Variants in RAB4A observed in about 807,000 individuals in gnomAD.
RAB4A encodes the protein ras-related protein Rab-4A.
In RAB4A, 20 loss-of-function variants were observed where a neutral mutation model predicts 34.5. That is an observed-to-expected ratio of 0.58 (90% CI 0.41 to 0.84). RAB4A has a LOEUF of 0.84. RAB4A is among the 40% of genes least tolerant of loss of function. RAB4A has a pLI of 0.00. For missense variants in RAB4A, 228 were observed against 274.5 expected (o/e 0.83, Z 1.20); for synonymous variants, 102 against 100.0 (o/e 1.02, Z -0.12).
Position 229,297,538 on chromosome 1 carries a change from G to A in RAB4A, c.347G>A (p.Ser116Asn), listed in dbSNP as rs1478020729. The change falls in exon 5 of 8, where the codon AGC becomes AAC. Residue 116 changes from serine (S) to asparagine (N), a missense_variant. Coordinates refer to ENST00000366690, the MANE Select transcript of RAB4A (RefSeq NM_004578.4). ...NWLTDARMLA[S>N]QNIVIILCGN... Reference sequence around the variant, plus strand: ...TTAACAGATGCCCGAATGCTAGCGAGCCAGAACATTGTGATCATCCTTTGT... The same window carrying A: ...TTAACAGATGCCCGAATGCTAGCGAACCAGAACATTGTGATCATCCTTTGT... The A allele has an allele frequency of 2.5e-6, 4 of 1,613,102 alleles. No individual in the cohort carries two copies. The highest frequency in any genetic ancestry group is 3.4e-6 in the Non-Finnish European group (4 of 1,179,944).
Position 229,271,231 on chromosome 1 carries a change from C to A in RAB4A, c.-109C>A. 2.7e-6 allele frequency: 3 copies of A among 1,127,396 alleles called. No individual in the cohort carries two copies. The highest frequency in any genetic ancestry group is 3.0e-5 in the South Asian group (1 of 33,432). 69.8% of individuals were successfully genotyped at this position (1,127,396 alleles called of 1,614,324 possible). ...GCGGTTGCCGTGGGGACCGGTCGGG[C>A]CCCTCCCTCCTCCGGTCCCCCGCCC... On this transcript the variant is annotated 5_prime_UTR_variant, in exon 1 of 8. Transcript: ENST00000366690.
intron 1 of RAB4A, among the ~76,000 whole-genome samples, chr1:229,278,331 A>G (rs982421674): frequency 6.6e-6 from 1 of 152,150 alleles, no homozygotes; most frequent in Non-Finnish European, 1.5e-5. Flanking sequence ...CTCCTTTTAG[A>G]TTGAGATCAT....
At chr1:229,276,454 G>GT (rs1656651599) in intron 1 of RAB4A, among the ~76,000 whole-genome samples, 1 of 151,444 alleles carries the variant, frequency 6.6e-6, no homozygotes, top group African/African-American at 2.5e-5. Context: ...TCTGATGACT[G>GT]TAACATCTAT....
intron 1 of RAB4A, among the ~76,000 whole-genome samples, chr1:229,279,224 G>T (rs529695940): frequency 6.6e-6 from 1 of 152,184 alleles, no homozygotes; most frequent in East Asian, 1.9e-4. Flanking sequence ...CCATACATCC[G>T]TGCTTCCTTT....
intron 6 of RAB4A, 148 bp from the exon 7 acceptor site, chr1:229,302,714 G>A: frequency 3.7e-6 from 2 of 545,128 alleles, no homozygotes; most frequent in South Asian, 2.6e-5. Context: ...GCCGGTGCAA[G>A]CAAACATATA....
intron 3 of RAB4A, among the ~76,000 whole-genome samples, chr1:229,291,981 A>G (rs1187052797): frequency 2.0e-5 from 3 of 148,774 alleles, no homozygotes; most frequent in Non-Finnish European, 4.4e-5. Flanking sequence ...AAAACCAAAC[A>G]CTGCATATTC....
At chr1:229,274,510 T>C (rs891821658) in intron 1 of RAB4A, among the ~76,000 whole-genome samples, 3 of 152,260 alleles carry the variant, frequency 2.0e-5, no homozygotes, top group Non-Finnish European at 4.4e-5. Flanking sequence ...TACTGTACTT[T>C]ATGTAATATC....
chr1:229,305,409 T>C lies in RAB4A; in HGVS notation c.*1616T>C. On this transcript the variant is annotated 3_prime_UTR_variant, in exon 8 of 8. Coordinates refer to ENST00000366690, the MANE Select transcript of RAB4A (RefSeq NM_004578.4). Reference sequence around the variant, plus strand: ...GCAAGAATTTTAAAAATAAGATAAATGTAAAGTTGTTTTATAAACGATCCT... The same window carrying C: ...GCAAGAATTTTAAAAATAAGATAAACGTAAAGTTGTTTTATAAACGATCCT... 1 of 964,622 alleles carries C rather than the reference T, an allele frequency of 1.0e-6. No individual in the cohort carries two copies. Among genetic ancestry groups the C allele is most frequent in the African/African-American group, 1.7e-5 (1 of 58,784 alleles). The allele number at this position is 964,622 out of a possible 1,614,324, so 59.8% of individuals were successfully genotyped here.
chr1:229,281,816 TTA>T (rs61184911), intron 1 of RAB4A, among the ~76,000 whole-genome samples: 19,598 of 139,848 alleles, frequency 0.14, 1,295 homozygotes, highest in Middle Eastern at 0.2. Flanking sequence ...CTTATCATAG[TTA>T]TATATATATA....
At chr1:229,289,446 T>C (rs544782603) in intron 3 of RAB4A, among the ~76,000 whole-genome samples, 52 of 152,350 alleles carry the variant, frequency 3.4e-4, no homozygotes, top group African/African-American at 1.1e-3. Context: ...ATTCATAGTT[T>C]TATAATTCAG....
rs1406043630 is a variant in RAB4A, at chr1:229,305,151, TATC to T, written c.*1360_*1362del. The T allele has an allele frequency of 6.3e-7, 1 of 1,593,208 alleles. No homozygotes were observed. The highest frequency in any genetic ancestry group is 1.2e-5 in the South Asian group (1 of 85,680). On this transcript the variant is annotated 3_prime_UTR_variant, in exon 8 of 8. Coordinates refer to ENST00000366690, the MANE Select transcript of RAB4A (RefSeq NM_004578.4). ...CTCTGGGAAATGACTAGGATAAAAATATCAGTATGTATCTGTTTTAGATATTTT... is the reference window on the plus strand; with the variant it reads ...CTCTGGGAAATGACTAGGATAAAAATAGTATGTATCTGTTTTAGATATTTT...
chr1:229,279,968 A>C (rs867838473), intron 1 of RAB4A, among the ~76,000 whole-genome samples: 3 of 152,246 alleles, frequency 2.0e-5, no homozygotes, highest in African/African-American at 7.2e-5. Flanking sequence ...TATAACCTAC[A>C]TAGGCATTTT....
At chr1:229,274,418 T>C (rs1409022887) in intron 1 of RAB4A, among the ~76,000 whole-genome samples, 1 of 152,172 alleles carries the variant, frequency 6.6e-6, no homozygotes, top group African/African-American at 2.4e-5. Flanking sequence ...TAATATGCTT[T>C]TTAACATATT....
At chr1:229,297,729 G>C in intron 5 of RAB4A, 93 bp downstream of exon 5, 1 of 1,270,016 alleles carries the variant, frequency 7.9e-7, no homozygotes, top group African/African-American at 1.5e-5. Context: ...GGAATTTCAA[G>C]ATTAAACTAG....
chr1:229,279,890 G>A (rs10737440), intron 1 of RAB4A, among the ~76,000 whole-genome samples: 59,074 of 151,924 alleles, frequency 0.39, 11,808 homozygotes, highest in Admixed American at 0.45. Context: ...TCAAGTTAAC[G>A]TTCACTATAA....
intron 4 of RAB4A, among the ~76,000 whole-genome samples, chr1:229,297,072 A>G (rs1264196045): frequency 6.6e-6 from 1 of 152,238 alleles, no homozygotes; most frequent in East Asian, 1.9e-4. Context: ...ATAAAGAATC[A>G]ATGTGATAAA....
intron 2 of RAB4A, among the ~76,000 whole-genome samples, chr1:229,287,151 G>A (rs1452134852): frequency 1.4e-4 from 21 of 152,200 alleles, no homozygotes; most frequent in African/African-American, 4.8e-4. Flanking sequence ...GGAAAGAATC[G>A]TGGAGAAAGA....
intron 3 of RAB4A, 62 bp from the exon 4 acceptor site, chr1:229,295,786 G>T (rs919137175): frequency 2.3e-5 from 35 of 1,541,882 alleles, no homozygotes; most frequent in Non-Finnish European, 3.1e-5. Flanking sequence ...TTTTTCATGG[G>T]AAAGTGGGAT....
At chr1:229,294,715 A>G (rs916967966) in intron 3 of RAB4A, among the ~76,000 whole-genome samples, 2 of 152,128 alleles carry the variant, frequency 1.3e-5, no homozygotes, top group African/African-American at 4.8e-5. Context: ...TGGCGGGTGC[A>G]GCTACTCAGG....
Sources: allele counts gnomAD v4.1 joint callset (sites outside exome capture counted in the v4.1 genomes callset), GRCh38; gene constraint gnomAD v4.1.1; transcripts MANE v1.5; gene names NCBI Gene and HGNC (gene_info 2026-07-23, HGNC 2026-07-21).